The following FAM227B variants were observed in gnomAD, a reference collection of about 807,000 sequenced individuals.
FAM227B encodes the protein protein FAM227B.
In FAM227B, 88 loss-of-function variants were observed where a neutral mutation model predicts 73.8. The ratio of observed to expected loss-of-function variants is 1.19; its 90% CI spans 1.00 to 1.42. FAM227B has a LOEUF of 1.42. FAM227B is among the 40% of genes most tolerant of loss of function. FAM227B has a pLI of 0.00. For synonymous variants in FAM227B, 210 were observed against 190.5 expected, an observed-to-expected ratio of 1.10 and a Z score of -0.84; for missense variants, 632 against 590.9, an observed-to-expected ratio of 1.07 and a Z score of -0.72.
intron 11 of FAM227B, among the ~76,000 whole-genome samples, chr15:49,490,794 T>C (rs959946786): frequency 2.0e-5 from 3 of 151,998 alleles, no homozygotes; most frequent in Non-Finnish European, 4.4e-5. Context: ...TTTCCATTAA[T>C]CAACCAATTA....
intron 9 of FAM227B, among the ~76,000 whole-genome samples, chr15:49,557,992 C>T (rs2073892634): frequency 1.3e-5 from 2 of 152,160 alleles, no homozygotes; most frequent in South Asian, 2.1e-4. Flanking sequence ...ACAGTGGCCC[C>T]ACCCCAACCT....
chr15:49,341,006 T>C (rs548982961), intron 13 of FAM227B, among the ~76,000 whole-genome samples: 27 of 152,316 alleles, frequency 1.8e-4, no homozygotes, highest in African/African-American at 6.5e-4. Context: ...CCCAGTACCA[T>C]TTATTGAGTA....
chr15:49,341,279 A>G (rs1021175116), intron 13 of FAM227B, among the ~76,000 whole-genome samples: 1 of 152,102 alleles, frequency 6.6e-6, no homozygotes, highest in Non-Finnish European at 1.5e-5. Flanking sequence ...TTTTTTTCTA[A>G]TTCTGTGAAA....
At chr15:49,616,706 T>C (rs970940780) in intron 1 of FAM227B, among the ~76,000 whole-genome samples, 2 of 152,334 alleles carry the variant, frequency 1.3e-5, no homozygotes, top group African/African-American at 4.8e-5. Flanking sequence ...GGTAGACTAA[T>C]ACAGATATAA....
chr15:49,500,671 A>G (rs2058063650), intron 11 of FAM227B, among the ~76,000 whole-genome samples: 1 of 152,250 alleles, frequency 6.6e-6, no homozygotes, highest in African/African-American at 2.4e-5. Flanking sequence ...TAAGAGATTG[A>G]CAATTTCTTA....
chr15:49,540,504 T>C (rs2070915234), intron 10 of FAM227B, among the ~76,000 whole-genome samples: 1 of 152,206 alleles, frequency 6.6e-6, no homozygotes, highest in Non-Finnish European at 1.5e-5. Flanking sequence ...TTATTTTGTG[T>C]GTGTGTGAGA....
intron 11 of FAM227B, among the ~76,000 whole-genome samples, chr15:49,480,589 C>A (rs1224629539): frequency 6.9e-6 from 1 of 145,624 alleles, no homozygotes; most frequent in Non-Finnish European, 1.5e-5. Context: ...TCATGCAATT[C>A]TCCTGCTTCA....
chr15:49,345,423 T>C (rs1567113748), intron 13 of FAM227B, among the ~76,000 whole-genome samples: 1 of 152,236 alleles, frequency 6.6e-6, no homozygotes, highest in African/African-American at 2.4e-5. Context: ...TCAGTGGTGA[T>C]GGTTTTCAGT....
At chr15:49,538,315 T>G (rs1184163582) in intron 10 of FAM227B, among the ~76,000 whole-genome samples, 2 of 152,172 alleles carry the variant, frequency 1.3e-5, no homozygotes, top group Non-Finnish European at 2.9e-5. Context: ...CAAGGACAGC[T>G]CAGCCAAGCT....
intron 11 of FAM227B, among the ~76,000 whole-genome samples, chr15:49,480,273 A>G (rs1181014473): frequency 6.6e-6 from 1 of 152,058 alleles, no homozygotes; most frequent in African/African-American, 2.4e-5. Context: ...ATGTGGAGGG[A>G]TAAGATTAAA....
At chr15:49,407,411 T>C (rs999632760) in intron 11 of FAM227B, among the ~76,000 whole-genome samples, 1 of 151,998 alleles carries the variant, frequency 6.6e-6, no homozygotes, top group East Asian at 1.9e-4. Flanking sequence ...GCTTCTGTGT[T>C]TTCCCTGTGA....
intron 15 of FAM227B, chr15:49,330,340 A>G (rs1322768706): frequency 6.6e-6 from 1 of 152,220 alleles, no homozygotes; most frequent in African/African-American, 2.4e-5. Flanking sequence ...CCAGCAGCCC[A>G]TGGGCCACAT....
intron 9 of FAM227B, among the ~76,000 whole-genome samples, chr15:49,550,625 G>C (rs1421422785): frequency 1.3e-5 from 2 of 150,246 alleles, no homozygotes; most frequent in Non-Finnish European, 3.0e-5. Flanking sequence ...GGGTAGAGGC[G>C]CTCCTCACAT....
chr15:49,569,367 CT>C (rs1332726592), intron 8 of FAM227B, among the ~76,000 whole-genome samples: 5 of 151,540 alleles, frequency 3.3e-5, no homozygotes, highest in African/African-American at 1.2e-4. Flanking sequence ...TTTCATTTAT[CT>C]CTGCTGCAAT....
rs1279882306 is a variant in FAM227B at position 49,549,972 on chromosome 15, C to T, written c.748-8166G>A. On this transcript the variant is annotated intron_variant, in intron 9 of 15. Transcript: ENST00000299338. Reference sequence around the variant, plus strand: ...TGGCCGGGCGGGGGGCTGACCCCCCCACCTCCCTCCCAGACGGGGCGGCTG... The same window carrying T: ...TGGCCGGGCGGGGGGCTGACCCCCCTACCTCCCTCCCAGACGGGGCGGCTG... 1.0e-3 allele frequency among the ~76,000 whole-genome samples: 108 copies of T among 107,578 alleles called. 8 individuals carry two copies. The South Asian group carries it at 0.03, about 29-fold the overall frequency. The allele number at this position is 107,578 out of a possible 152,430, so 70.6% of individuals were successfully genotyped here.
intron 10 of FAM227B, among the ~76,000 whole-genome samples, chr15:49,522,621 T>C (rs1228487141): frequency 6.6e-6 from 1 of 152,070 alleles, no homozygotes; most frequent in Non-Finnish European, 1.5e-5. Flanking sequence ...AAAAACTCTC[T>C]GAAAGAATTT....
intron 11 of FAM227B, among the ~76,000 whole-genome samples, chr15:49,432,289 T>C (rs978502859): frequency 7.2e-5 from 11 of 151,806 alleles, no homozygotes; most frequent in African/African-American, 2.6e-4. Flanking sequence ...TGTTTCTTTA[T>C]AACACTAGTG....
intron 10 of FAM227B, among the ~76,000 whole-genome samples, chr15:49,521,794 C>T (rs2059805923): frequency 6.6e-6 from 1 of 152,136 alleles, no homozygotes; most frequent in African/African-American, 2.4e-5. Context: ...AGCCCTATGA[C>T]AGGGGCATGA....
At chr15:49,492,027 C>A (rs531811633) in intron 11 of FAM227B, among the ~76,000 whole-genome samples, 2 of 151,912 alleles carry the variant, frequency 1.3e-5, no homozygotes, top group African/African-American at 4.8e-5. Flanking sequence ...CCAGTCTTGT[C>A]ATCATGCCTA....
Sources: gnomAD v4.1 joint callset for allele counts (sites outside exome capture counted in the v4.1 genomes callset) on GRCh38, gnomAD v4.1.1 for gene constraint, MANE v1.5 for transcripts, NCBI Gene and HGNC (gene_info 2026-07-23, HGNC 2026-07-21) for gene names.